Variants in RBFOX1 observed in about 807,000 individuals in gnomAD.
The protein encoded by RBFOX1 is RNA binding fox-1 homolog 1.
In RBFOX1, 8 loss-of-function variants were observed where a neutral mutation model predicts 57.7. That is an observed-to-expected ratio of 0.14 (90% CI 0.08 to 0.25). The LOEUF is 0.25. RBFOX1 is among the 10% of genes least tolerant of loss of function. The pLI, the probability that RBFOX1 is intolerant of heterozygous loss-of-function variation, is 1.00. For synonymous variants in RBFOX1, 326 were observed against 222.4 expected, an observed-to-expected ratio of 1.47 and a Z score of -4.15; for missense variants, 611 against 548.5, an observed-to-expected ratio of 1.11 and a Z score of -1.14.
chr16:7,671,437 G>T, intron 13 of RBFOX1: 1 of 902,802 alleles, frequency 1.1e-6, no homozygotes, highest in Non-Finnish European at 1.7e-6. Context: ...CCCAAGGCTT[G>T]GTGAAGTAAG....
At chr16:6,759,501 G>C (rs532855991) in intron 3 of RBFOX1, among the ~76,000 whole-genome samples, 107 of 150,194 alleles carry the variant, frequency 7.1e-4, no homozygotes, top group Non-Finnish European at 7.2e-4. Flanking sequence ...GTGTGTGTGT[G>C]TGTGTGTGTG....
chr16:6,239,453 G>A (rs1180122774), intron 1 of RBFOX1, among the ~76,000 whole-genome samples: 1 of 121,856 alleles, frequency 8.2e-6, no homozygotes, highest in Non-Finnish European at 1.7e-5. Context: ...AGTCCCACCT[G>A]TTAAGAATAA....
chr16:5,758,423 G>C (rs1030987372), intron 3 of RBFOX1, among the ~76,000 whole-genome samples: 1 of 152,286 alleles, frequency 6.6e-6, no homozygotes, highest in South Asian at 2.1e-4. Context: ...TCTTAGACTG[G>C]GGGAGAAAGA....
intron 2 of RBFOX1, among the ~76,000 whole-genome samples, chr16:6,485,076 C>G (rs1597953225): frequency 6.6e-6 from 1 of 152,040 alleles, no homozygotes; most frequent in African/African-American, 2.4e-5. Context: ...AGTAACTTGC[C>G]TTTGTGGTTT....
At chr16:7,287,018 A>G (rs1054058841) in intron 4 of RBFOX1, among the ~76,000 whole-genome samples, 1 of 152,188 alleles carries the variant, frequency 6.6e-6, no homozygotes, top group Non-Finnish European at 1.5e-5. Context: ...AACGCAGGCA[A>G]TGCGTGATAG....
chr16:6,440,390 C>T (rs1046064087), intron 2 of RBFOX1, among the ~76,000 whole-genome samples: 8 of 152,092 alleles, frequency 5.3e-5, no homozygotes, highest in African/African-American at 1.4e-4. Flanking sequence ...CTGGGCTTAA[C>T]CAAGCTTATA....
intron 9 of RBFOX1, among the ~76,000 whole-genome samples, chr16:7,600,275 T>A (rs2094941008): frequency 6.6e-6 from 1 of 152,178 alleles, no homozygotes; most frequent in Non-Finnish European, 1.5e-5. Context: ...GTAGAATTTA[T>A]TTAAAACACA....
At chr16:6,454,593 A>C (rs117971985) in intron 2 of RBFOX1, among the ~76,000 whole-genome samples, 1 of 152,114 alleles carries the variant, frequency 6.6e-6, no homozygotes, top group African/African-American at 2.4e-5. Context: ...ACAAACAAAA[A>C]ACACCTTAAA....
intron 2 of RBFOX1, among the ~76,000 whole-genome samples, chr16:5,519,170 A>C (rs1246992099): frequency 6.6e-6 from 1 of 152,216 alleles, no homozygotes; most frequent in Non-Finnish European, 1.5e-5. Flanking sequence ...CTGTTGTTTA[A>C]GCCACCCAGG....
chr16:7,096,176 A>G (rs970967537), intron 4 of RBFOX1, among the ~76,000 whole-genome samples: 4 of 152,246 alleles, frequency 2.6e-5, no homozygotes, highest in Admixed American at 1.3e-4. Context: ...ACACAACACA[A>G]TAACAAAACT....
intron 2 of RBFOX1, among the ~76,000 whole-genome samples, chr16:5,545,570 A>C (rs1178575276): frequency 6.6e-6 from 1 of 152,180 alleles, no homozygotes; most frequent in Non-Finnish European, 1.5e-5. Context: ...AATCAATAGA[A>C]TCCATCATAT....
At chr16:5,753,223 T>C (rs2053274055) in intron 3 of RBFOX1, among the ~76,000 whole-genome samples, 1 of 152,282 alleles carries the variant, frequency 6.6e-6, no homozygotes, top group East Asian at 1.9e-4. Flanking sequence ...ATAATGGTCC[T>C]TTTTGATGTA....
chr16:7,245,356 C>T (rs894950525), intron 4 of RBFOX1, among the ~76,000 whole-genome samples: 1 of 151,928 alleles, frequency 6.6e-6, no homozygotes, highest in African/African-American at 2.4e-5. Context: ...GATACATGTA[C>T]AGGATGTGCA....
chr16:7,479,853 T>A (rs916135433), intron 4 of RBFOX1, among the ~76,000 whole-genome samples: 1 of 152,196 alleles, frequency 6.6e-6, no homozygotes, highest in African/African-American at 2.4e-5. Flanking sequence ...CTCAATAATT[T>A]GTTTTAATAA....
chr16:7,604,336 C>T (rs1596353677), intron 9 of RBFOX1, among the ~76,000 whole-genome samples: 2 of 152,268 alleles, frequency 1.3e-5, no homozygotes, highest in Non-Finnish European at 2.9e-5. Flanking sequence ...AGAAGGTTGA[C>T]ACCTGCACTC....
chr16:7,298,235 G>C lies in RBFOX1; in HGVS notation c.28-219912G>C, dbSNP rs374924811. On this transcript the variant is annotated intron_variant, in intron 4 of 15. Coordinates refer to ENST00000550418, the MANE Select transcript of RBFOX1 (RefSeq NM_018723.4). ...TGACCCTTCAGCAACATGGGGGTTA[G>C]AAGCATCAACCCACCACAATGTAGA... Among the ~76,000 whole-genome samples the C allele has an allele frequency of 1.3e-4, 19 of 148,914 alleles. No homozygotes were observed. In the South Asian group the frequency reaches 3.8e-3, roughly 30 times the overall value.
At chr16:7,588,349 G>C (rs2094242402) in intron 7 of RBFOX1, among the ~76,000 whole-genome samples, 2 of 152,154 alleles carry the variant, frequency 1.3e-5, no homozygotes, top group South Asian at 4.1e-4. Context: ...GCCCTGATCT[G>C]TTGAATTCAA....
intron 3 of RBFOX1, among the ~76,000 whole-genome samples, chr16:6,661,666 T>C (rs1208806057): frequency 1.3e-5 from 2 of 152,138 alleles, no homozygotes; most frequent in Admixed American, 6.6e-5. Context: ...CCTGGGTGAA[T>C]GCAGGAAGCT....
chr16:7,003,983 G>T (rs1020977455), intron 3 of RBFOX1: 4 of 139,810 alleles, frequency 2.9e-5, no homozygotes, highest in Non-Finnish European at 5.9e-5. Context: ...GGGTAGAAAT[G>T]AGGGGTTTTT....
Sources: gnomAD v4.1 joint callset for allele counts (sites outside exome capture counted in the v4.1 genomes callset) on GRCh38, gnomAD v4.1.1 for gene constraint, MANE v1.5 for transcripts, NCBI Gene and HGNC (gene_info 2026-07-23, HGNC 2026-07-21) for gene names.